NRF1: variants seen among roughly 807,000 people sequenced by gnomAD.
The protein encoded by NRF1 is alpha palindromic-binding protein.
A neutral mutation model predicts 58.5 loss-of-function variants in NRF1; 5 were observed. The observed-to-expected ratio is 0.09, with a 90% CI of 0.04 to 0.18. The LOEUF is 0.18. NRF1 is among the 10% of genes least tolerant of loss of function. NRF1 has a pLI of 1.00. For missense variants in NRF1, 288 were observed against 657.7 expected (o/e 0.44, Z 6.15); for synonymous variants, 224 against 246.7 (o/e 0.91, Z 0.86).
At chr7:129,717,106 A>T in intron 8 of NRF1, 113 bp from the exon 9 acceptor site, 1 of 1,015,114 alleles carries the variant, frequency 9.9e-7, no homozygotes, top group Non-Finnish European at 1.4e-6. Context: ...AGGTCATGTT[A>T]ATTTTAAAGA....
chr7:129,740,019 C>G (rs77034566), intron 10 of NRF1, among the ~76,000 whole-genome samples: 34 of 152,274 alleles, frequency 2.2e-4, no homozygotes, highest in Admixed American at 4.6e-4. Context: ...GTTTCTCACC[C>G]AACCTTTTCA....
At chr7:129,719,457 A>G (rs1250275118) in intron 9 of NRF1, among the ~76,000 whole-genome samples, 1 of 150,388 alleles carries the variant, frequency 6.6e-6, no homozygotes, top group African/African-American at 2.4e-5. Flanking sequence ...TAAAAGAAGT[A>G]TGGCCAGAGA....
intron 1 of NRF1, among the ~76,000 whole-genome samples, chr7:129,654,839 C>T (rs1263975712): frequency 6.6e-6 from 1 of 152,222 alleles, no homozygotes; most frequent in African/African-American, 2.4e-5. Flanking sequence ...TTCACCAATA[C>T]CATACTATCT....
chr7:129,651,438 G>A (rs1801533074), intron 1 of NRF1, among the ~76,000 whole-genome samples: 1 of 144,642 alleles, frequency 6.9e-6, no homozygotes, highest in South Asian at 2.2e-4. Flanking sequence ...AAAAAAAATG[G>A]TTAGAGAGGC....
chr7:129,669,658 T>A (rs551513676), intron 2 of NRF1, among the ~76,000 whole-genome samples: 4 of 152,218 alleles, frequency 2.6e-5, no homozygotes, highest in Non-Finnish European at 4.4e-5. Flanking sequence ...CACCAACAGG[T>A]TAGATGCTCA....
chr7:129,711,874 C>T (rs1203091185), intron 8 of NRF1, among the ~76,000 whole-genome samples: 1 of 151,910 alleles, frequency 6.6e-6, no homozygotes, highest in Non-Finnish European at 1.5e-5. Context: ...TGCTGTGAAT[C>T]CCAAAGAATT....
At chr7:129,622,379 C>T (rs1402721816) in intron 1 of NRF1, among the ~76,000 whole-genome samples, 1 of 152,008 alleles carries the variant, frequency 6.6e-6, no homozygotes, top group African/African-American at 2.4e-5. Context: ...TTTAAATTTT[C>T]TTCTAAATTA....
intron 8 of NRF1, among the ~76,000 whole-genome samples, chr7:129,712,908 G>A (rs1209209934): frequency 6.6e-6 from 1 of 152,146 alleles, no homozygotes; most frequent in African/African-American, 2.4e-5. Flanking sequence ...TCTGAAAGAG[G>A]TGGAAAAGAC....
chr7:129,749,432 T>TA (rs11405110), intron 10 of NRF1, among the ~76,000 whole-genome samples: 25,146 of 140,788 alleles, frequency 0.18, 2,574 homozygotes, highest in Admixed American at 0.28. Flanking sequence ...TGATACACAT[T>TA]AAAAAAAAAA....
At chr7:129,648,849 T>C (rs1801471337) in intron 1 of NRF1, among the ~76,000 whole-genome samples, 1 of 152,150 alleles carries the variant, frequency 6.6e-6, no homozygotes, top group Admixed American at 6.5e-5. Context: ...TTGTATTATA[T>C]TTCATTTTCT....
At chr7:129,723,745 C>G (rs1803388123) in intron 9 of NRF1, among the ~76,000 whole-genome samples, 2 of 152,174 alleles carry the variant, frequency 1.3e-5, no homozygotes, top group Admixed American at 1.3e-4. Flanking sequence ...TTTCTAAGCT[C>G]TCAATTTTAT....
chr7:129,745,846 T>G (rs1803964883), intron 10 of NRF1, among the ~76,000 whole-genome samples: 1 of 152,212 alleles, frequency 6.6e-6, no homozygotes, highest in Admixed American at 6.5e-5. Context: ...ATATATTTAC[T>G]AATAAAGTAA....
At chr7:129,727,889 T>G (rs1213028056) in intron 10 of NRF1, among the ~76,000 whole-genome samples, 1 of 152,202 alleles carries the variant, frequency 6.6e-6, no homozygotes, top group Non-Finnish European at 1.5e-5. Flanking sequence ...GAAGGACCTT[T>G]GGATTTAGCC....
At chr7:129,720,372 G>A (rs1410525064) in intron 9 of NRF1, among the ~76,000 whole-genome samples, 1 of 152,182 alleles carries the variant, frequency 6.6e-6, no homozygotes, top group Non-Finnish European at 1.5e-5. Context: ...CTTCTTTGTG[G>A]ACGAGATGCA....
At chr7:129,629,859 A>G (rs186194352) in intron 1 of NRF1, among the ~76,000 whole-genome samples, 37 of 152,308 alleles carry the variant, frequency 2.4e-4, no homozygotes, top group African/African-American at 8.4e-4. Context: ...AAATTGTGCT[A>G]AGTGTCAGTA....
At chr7:129,621,822 G>A (rs1182110127) in intron 1 of NRF1, among the ~76,000 whole-genome samples, 2 of 140,872 alleles carry the variant, frequency 1.4e-5, no homozygotes, top group Non-Finnish European at 3.0e-5. Context: ...TCGCTCTGTC[G>A]CCCGGGCTGG....
At chr7:129,708,063 A>G (rs960062170) in intron 5 of NRF1, among the ~76,000 whole-genome samples, 8 of 152,020 alleles carry the variant, frequency 5.3e-5, no homozygotes, top group African/African-American at 1.7e-4. Flanking sequence ...AGTCTGATTC[A>G]TTGCTAAAAG....
chr7:129,754,464 T>TAA (rs57595268), intron 10 of NRF1, among the ~76,000 whole-genome samples: 62 of 51,208 alleles, frequency 1.2e-3, no homozygotes, highest in Admixed American at 2.7e-3. Flanking sequence ...CCCTGTCTCT[T>TAA]AAAAAAAAAA....
intron 8 of NRF1, among the ~76,000 whole-genome samples, chr7:129,712,782 G>A (rs1008720518): frequency 2.0e-5 from 3 of 152,218 alleles, no homozygotes; most frequent in African/African-American, 4.8e-5. Context: ...GAGGAAAGGT[G>A]AAGGTTGACA....
Sources: gnomAD v4.1 joint callset for allele counts (sites outside exome capture counted in the v4.1 genomes callset) on GRCh38, gnomAD v4.1.1 for gene constraint, MANE v1.5 for transcripts, NCBI Gene and HGNC (gene_info 2026-07-23, HGNC 2026-07-21) for gene names.